Variants in CHD6 observed in about 807,000 individuals in gnomAD.
The protein encoded by CHD6 is ATP-dependent chromatin remodeler CHD6.
Under a neutral mutation model 276.9 loss-of-function variants are expected in CHD6, and 50 were observed. The ratio of observed to expected loss-of-function variants is 0.18; its 90% CI spans 0.14 to 0.23. The LOEUF (loss-of-function observed/expected upper bound fraction) is 0.23. Ranked by LOEUF, CHD6 falls within the 10% of genes least tolerant of loss-of-function variation. The probability of loss-of-function intolerance (pLI) is 1.00; values close to 1 mark genes in which losing one functional copy is unlikely to be tolerated. For missense variants in CHD6, 2,564 were observed against 3,365.8 expected, an observed-to-expected ratio of 0.76 and a Z score of 5.89; for synonymous variants, 1,173 against 1,229.3, an observed-to-expected ratio of 0.95 and a Z score of 0.96.
Position 41,416,600 on chromosome 20 carries a change from G to A in CHD6, c.6474C>T (p.Ala2158=). 1 of 1,611,610 alleles carries A rather than the reference G, an allele frequency of 6.2e-7. No homozygotes were observed. Among genetic ancestry groups the A allele is most frequent in the Non-Finnish European group, 8.5e-7 (1 of 1,179,310 alleles). The change falls in exon 33 of 37, where the codon GCC becomes GCT. Residue 2158 remains alanine, a synonymous_variant. Coordinates refer to ENST00000373233, the MANE Select transcript of CHD6 (RefSeq NM_032221.5). ...CTTGCCGGCTCACCTTGTGGATCTGGGCCGCCAATGCTGCGCCGTTGCTGA... is the reference window on the plus strand; with the variant it reads ...CTTGCCGGCTCACCTTGTGGATCTGAGCCGCCAATGCTGCGCCGTTGCTGA... The part of the protein sequence containing the change: ...HSFSNGAALA[A]QIHKESFLAP...
intron 2 of CHD6, 77 bp downstream of exon 2, chr20:41,551,228 A>G (rs2045140971): frequency 3.2e-6 from 3 of 929,470 alleles, no homozygotes; most frequent in Admixed American, 1.8e-5. Flanking sequence ...ATAAGCCAAC[A>G]CTGCCAGTGT....
rs533048589 is a variant in CHD6, at chr20:41,534,682, T to A, written c.34-1112A>T. Among the ~76,000 whole-genome samples, 6 of 152,014 alleles carry A rather than the reference T, an allele frequency of 3.9e-5. No homozygotes were observed. In the South Asian group the frequency reaches 1.2e-3, roughly 32 times the overall value. ...TGACAGGACTCACTACTTTCAAAAA[T>A]AAATAAATAAATAAATAAAAGGAAA... On this transcript the variant is annotated intron_variant, in intron 2 of 36. Transcript: ENST00000373233.
chr20:41,599,421 G>C (rs949949744), intron 1 of CHD6, among the ~76,000 whole-genome samples: 13 of 152,026 alleles, frequency 8.6e-5, no homozygotes, highest in Admixed American at 7.9e-4. Context: ...AAAATGGAAG[G>C]GACTCATAAC....
At chr20:41,467,607 G>A (rs377660317) in intron 17 of CHD6, among the ~76,000 whole-genome samples, 2 of 135,540 alleles carry the variant, frequency 1.5e-5, no homozygotes, top group Non-Finnish European at 3.1e-5. Flanking sequence ...TGTGGCTCTC[G>A]CCCATCTTCC....
intron 1 of CHD6, among the ~76,000 whole-genome samples, chr20:41,578,744 T>G (rs1001477978): frequency 1.3e-5 from 2 of 150,900 alleles, no homozygotes; most frequent in African/African-American, 4.9e-5. Context: ...AAAAAAAAAT[T>G]TCTTGCTGGG....
At chr20:41,559,832 A>G (rs749055482) in intron 1 of CHD6, among the ~76,000 whole-genome samples, 1 of 151,910 alleles carries the variant, frequency 6.6e-6, no homozygotes, top group East Asian at 1.9e-4. Context: ...AAAGAACCCC[A>G]CAACTCTTCC....
intron 34 of CHD6, 196 bp downstream of exon 34, chr20:41,414,990 A>G (rs1428493427): frequency 2.8e-6 from 4 of 1,416,508 alleles, no homozygotes; most frequent in Non-Finnish European, 3.7e-6. Context: ...GGCTGTAAGC[A>G]GATTAAGCGC....
Position 41,421,180 on chromosome 20 carries a change from T to C in CHD6, c.5455A>G (p.Asn1819Asp). The C allele has an allele frequency of 6.2e-7, 1 of 1,613,238 alleles. No homozygotes were observed. The highest frequency in any genetic ancestry group is 8.5e-7 in the Non-Finnish European group (1 of 1,179,604). Residue 1819 changes from asparagine (N) to aspartate (D), a missense_variant, in exon 31 of 37, where the codon AAT (asparagine) becomes GAT (aspartate). Physicochemically the swap from Asn to Asp is conservative, Grantham distance 23. This residue lies in a region of CHD6 where 1,024 missense variants were observed against 1,047.9 expected (regional missense o/e 0.98). Coordinates refer to ENST00000373233, the MANE Select transcript of CHD6 (RefSeq NM_032221.5). ...CLASPSLNPGNESGFVDMCSL... is the reference protein window; with the variant it reads ...CLASPSLNPGDESGFVDMCSL... ...CACATATCTACAAACCCACTTTCAT[T>C]TCCTGGATTCAAGGAAGGGGAAGCT...
Position 41,415,359 on chromosome 20 carries a change from A to G in CHD6, c.6766T>C (p.Leu2256=), listed in dbSNP as rs1368460313. ...SSLQGALGMD[L]SGILQAGLIH... is the part of the protein sequence containing the mutation. The stretch of plus-strand genomic sequence containing the variant: ...AGGCCAGCTTGCAGAATCCCAGACA[A>G]GTCCATGCCAAGGGCTCCCTGAAGT... The change falls in exon 34 of 37, where the codon TTG becomes CTG. Residue 2256 remains leucine, a synonymous_variant. Transcript: ENST00000373233. 3.4e-5 allele frequency: 55 copies of G among 1,614,002 alleles called. No individual in the cohort carries two copies. Among genetic ancestry groups the G allele is most frequent in the Non-Finnish European group, 4.6e-5 (54 of 1,180,022 alleles).
intron 1 of CHD6, among the ~76,000 whole-genome samples, chr20:41,600,877 C>T (rs756404075): frequency 5.2e-4 from 79 of 152,100 alleles, no homozygotes; most frequent in Admixed American, 2.4e-3. Flanking sequence ...TAGCATTTGC[C>T]CCTCCCTATG....
Position 41,405,431 on chromosome 20 carries a change from G to A in CHD6, c.7310C>T (p.Thr2437Met), listed in dbSNP as rs780452283. 17 of 1,605,950 alleles carry A rather than the reference G, an allele frequency of 1.1e-5. No individual in the cohort carries two copies. Among genetic ancestry groups the A allele is most frequent in the East Asian group, 2.2e-5 (1 of 44,762 alleles). The part of the protein sequence containing the change: ...HTLAEPILRD[T>M]GPRRRGRRPR... ...CCGCCTCCCCCTCCTGCGGGGGCCC[G>A]TATCTCGAAGAATAGGCTCAGCCAG... is the stretch of plus-strand genomic sequence containing the variant. Residue 2437 changes from threonine (T) to methionine (M), a missense_variant, in exon 37 of 37, where the codon ACG becomes ATG. Physicochemically the swap from Thr to Met is moderately conservative, Grantham distance 81. Transcript: ENST00000373233.
intron 5 of CHD6, among the ~76,000 whole-genome samples, chr20:41,500,530 TC>T (rs1172323385): frequency 9.2e-5 from 14 of 152,088 alleles, no homozygotes; most frequent in Non-Finnish European, 1.6e-4. Context: ...ACCACACACG[TC>T]CCTTCTCACC....
intron 3 of CHD6, among the ~76,000 whole-genome samples, chr20:41,522,209 G>A (rs1601076685): frequency 6.6e-6 from 1 of 152,224 alleles, no homozygotes; most frequent in East Asian, 1.9e-4. Flanking sequence ...AGCCACACAT[G>A]ATGGTGCATG....
chr20:41,440,143 G>A lies in CHD6; in HGVS notation c.3878-14C>T. On this transcript the variant is annotated splice_polypyrimidine_tract_variant and intron_variant, in intron 25 of 36. Coordinates refer to ENST00000373233, the MANE Select transcript of CHD6 (RefSeq NM_032221.5). ...ACCTTTCATAACCTGATCAAGAGTG[G>A]TGAGAAATGCCAGAAGTCATGTTAG... 8 of 1,610,156 alleles carry A rather than the reference G, an allele frequency of 5.0e-6. No individual in the cohort carries two copies. Among genetic ancestry groups the A allele is most frequent in the Non-Finnish European group, 6.8e-6 (8 of 1,176,846 alleles).
At chr20:41,511,425 T>C (rs10854223) in intron 5 of CHD6, among the ~76,000 whole-genome samples, 57,135 of 152,014 alleles carry the variant, frequency 0.38, 13,328 homozygotes, top group African/African-American at 0.64. Flanking sequence ...CCTCTTTTTT[T>C]CAACATTTAA....
intron 8 of CHD6, among the ~76,000 whole-genome samples, chr20:41,495,178 A>G (rs1601005305): frequency 1.3e-5 from 2 of 152,210 alleles, no homozygotes; most frequent in East Asian, 3.8e-4. Flanking sequence ...TATTATTCAC[A>G]ATAGTCAAGA....
intron 16 of CHD6, among the ~76,000 whole-genome samples, chr20:41,478,984 A>T (rs772363536): frequency 6.6e-6 from 1 of 151,110 alleles, no homozygotes; most frequent in Non-Finnish European, 1.5e-5. Context: ...AATGTTAAGT[A>T]ATGAATAAAA....
intron 5 of CHD6, among the ~76,000 whole-genome samples, chr20:41,508,043 C>T (rs116602349): frequency 9.2e-4 from 140 of 152,172 alleles, no homozygotes; most frequent in African/African-American, 3.3e-3. Context: ...AAGGTAAATG[C>T]TAATTGGTTA....
chr20:41,463,603 C>T (rs563651195), intron 17 of CHD6, among the ~76,000 whole-genome samples: 16 of 152,026 alleles, frequency 1.1e-4, no homozygotes, highest in East Asian at 5.8e-4. Context: ...CAAATCCAAA[C>T]GGAGGGACAA....
Sources: gnomAD v4.1 joint callset for allele counts (sites outside exome capture counted in the v4.1 genomes callset) on GRCh38, gnomAD v4.1.1 for gene constraint, gnomAD v4.1.1 regional missense constraint, MANE v1.5 for transcripts, NCBI Gene and HGNC (gene_info 2026-07-23, HGNC 2026-07-21) for gene names.